The following CNTN3 variants were observed in gnomAD, a reference collection of about 807,000 sequenced individuals.
CNTN3 encodes contactin 3.
In CNTN3, 60 loss-of-function variants were observed where a neutral mutation model predicts 119.1. That is an observed-to-expected ratio of 0.50 (90% CI 0.41 to 0.62). CNTN3 has a LOEUF of 0.62. Ranked by LOEUF, CNTN3 falls within the 20% of genes least tolerant of loss-of-function variation. The pLI is 0.00. For synonymous variants in CNTN3, 450 were observed against 438.7 expected (o/e 1.03, Z -0.32); for missense variants, 1,101 against 1,242.4 (o/e 0.89, Z 1.71).
intron 1 of CNTN3, among the ~76,000 whole-genome samples, chr3:74,539,152 C>T (rs975540823): frequency 9.2e-5 from 14 of 152,250 alleles, no homozygotes; most frequent in South Asian, 6.2e-4. Context: ...TCAATAAACA[C>T]ATATCTAGCA....
chr3:74,398,697 T>G (rs1705115553), intron 5 of CNTN3, among the ~76,000 whole-genome samples: 1 of 152,230 alleles, frequency 6.6e-6, no homozygotes, highest in African/African-American at 2.4e-5. Flanking sequence ...TAAAATAATT[T>G]ACTTTTGGTA....
chr3:74,366,774 GTGTGTGTA>G, intron 8 of CNTN3, among the ~76,000 whole-genome samples: 1 of 39,010 alleles, frequency 2.6e-5, no homozygotes, highest in Non-Finnish European at 4.3e-5. Flanking sequence ...GTGTGTGTGT[GTGTGTGTA>G]TATATATATA....
intron 5 of CNTN3, among the ~76,000 whole-genome samples, chr3:74,408,927 C>G (rs967876808): frequency 3.3e-5 from 5 of 152,168 alleles, no homozygotes; most frequent in Non-Finnish European, 7.3e-5. Context: ...ATTGTCTATA[C>G]AGTTCTTCAC....
intron 5 of CNTN3, among the ~76,000 whole-genome samples, chr3:74,403,497 A>G (rs1705250035): frequency 6.6e-6 from 1 of 152,192 alleles, no homozygotes; most frequent in African/African-American, 2.4e-5. Flanking sequence ...ACTTCAGTTC[A>G]GAAGCTCTCT....
chr3:74,449,463 T>C (rs1172139713), intron 4 of CNTN3, among the ~76,000 whole-genome samples: 1 of 152,076 alleles, frequency 6.6e-6, no homozygotes, highest in Non-Finnish European at 1.5e-5. Flanking sequence ...TTATTTATAA[T>C]AATCAGCTGG....
At chr3:74,378,886 G>C (rs747934859) in intron 5 of CNTN3, among the ~76,000 whole-genome samples, 1 of 151,910 alleles carries the variant, frequency 6.6e-6, no homozygotes. Context: ...ACTCCTACAC[G>C]AAGCTTCACA....
Position 74,448,387 on chromosome 3 carries a change from G to A in CNTN3, c.359-23447C>T, listed in dbSNP as rs182637888. On this transcript the variant is annotated intron_variant, in intron 4 of 22. Transcript: ENST00000263665. ...TTGTCTTGGCCTAGAAAATAAAAGA[G>A]ACTATGATGATGTAAACATGAACTC... 3.3e-5 allele frequency among the ~76,000 whole-genome samples: 5 copies of A among 152,206 alleles called. No homozygotes were observed. The East Asian group carries it at 9.7e-4, about 29-fold the overall frequency.
In CNTN3 at chr3:74,432,520, G is replaced by A. The variant is rs182889075; in HGVS notation, c.359-7580C>T. 1.2e-4 allele frequency among the ~76,000 whole-genome samples: 19 copies of A among 152,180 alleles called. No individual in the cohort carries two copies. The East Asian group carries it at 2.7e-3, about 22-fold the overall frequency. On this transcript the variant is annotated intron_variant, in intron 4 of 22. Coordinates refer to ENST00000263665, the MANE Select transcript of CNTN3 (RefSeq NM_020872.3). ...GCTATAAAAAAGAATCCCATGCAAC[G>A]ATTCAGTTTCACAATCAAGTGGTAA...
intron 1 of CNTN3, among the ~76,000 whole-genome samples, chr3:74,528,612 A>G (rs1703653177): frequency 6.6e-6 from 1 of 151,878 alleles, no homozygotes; most frequent in Admixed American, 6.6e-5. Flanking sequence ...TGGGTGAACA[A>G]ATCTGTCAAA....
At chr3:74,406,699 T>C (rs1474368262) in intron 5 of CNTN3, among the ~76,000 whole-genome samples, 2 of 152,154 alleles carry the variant, frequency 1.3e-5, no homozygotes, top group African/African-American at 2.4e-5. Flanking sequence ...ATACTTTACT[T>C]CTTTAGCAAA....
chr3:74,327,909 TA>T (rs1422035050), intron 13 of CNTN3, among the ~76,000 whole-genome samples: 1 of 151,868 alleles, frequency 6.6e-6, no homozygotes, highest in East Asian at 1.9e-4. Context: ...TTTTATCTCT[TA>T]TATTCTTTTT....
At chr3:74,365,743 A>G in intron 8 of CNTN3, 41 bp from the exon 9 acceptor site, 1 of 1,581,184 alleles carries the variant, frequency 6.3e-7, no homozygotes, top group Non-Finnish European at 8.6e-7. Flanking sequence ...AATTTAAACC[A>G]CCCAGCAAAT....
chr3:74,336,044 C>A (rs1209260556), intron 12 of CNTN3, among the ~76,000 whole-genome samples: 1 of 152,008 alleles, frequency 6.6e-6, no homozygotes, highest in African/African-American at 2.4e-5. Flanking sequence ...GTATTAGTGA[C>A]AATGTGCTCA....
At chr3:74,398,542 A>G (rs1408299169) in intron 5 of CNTN3, among the ~76,000 whole-genome samples, 1 of 152,226 alleles carries the variant, frequency 6.6e-6, no homozygotes, top group Non-Finnish European at 1.5e-5. Context: ...CTTTGTTGCC[A>G]TATTTGCTTT....
intron 1 of CNTN3, among the ~76,000 whole-genome samples, chr3:74,571,412 A>G (rs1245717025): frequency 6.6e-6 from 1 of 152,146 alleles, no homozygotes; most frequent in African/African-American, 2.4e-5. Flanking sequence ...GAAGGAGATT[A>G]GCTTAGCGGT....
At chr3:74,526,206 C>T (rs1575808718) in intron 1 of CNTN3, among the ~76,000 whole-genome samples, 1 of 68,504 alleles carries the variant, frequency 1.5e-5, no homozygotes. Flanking sequence ...ATATATTATT[C>T]CTAATCTTCA....
At chr3:74,503,185 A>G (rs1424022063) in intron 2 of CNTN3, among the ~76,000 whole-genome samples, 1 of 152,110 alleles carries the variant, frequency 6.6e-6, no homozygotes, top group Non-Finnish European at 1.5e-5. Flanking sequence ...CCTAGTCCTC[A>G]TATTCTTGGT....
chr3:74,438,260 T>C (rs1357353131), intron 4 of CNTN3, among the ~76,000 whole-genome samples: 1 of 152,222 alleles, frequency 6.6e-6, no homozygotes, highest in Non-Finnish European at 1.5e-5. Flanking sequence ...AGTGGTAATA[T>C]CCACCACTCT....
intron 4 of CNTN3, 150 bp from the exon 5 acceptor site, chr3:74,425,090 T>C: frequency 1.7e-6 from 1 of 596,040 alleles, no homozygotes; most frequent in South Asian, 2.1e-5. Context: ...AATTTCACCC[T>C]TTATTTTAGA....
Sources: gnomAD v4.1 joint callset for allele counts (sites outside exome capture counted in the v4.1 genomes callset) on GRCh38, gnomAD v4.1.1 for gene constraint, MANE v1.5 for transcripts, NCBI Gene and HGNC (gene_info 2026-07-23, HGNC 2026-07-21) for gene names.